The following MYNN variants were observed in gnomAD, a reference collection of about 807,000 sequenced individuals.
The protein encoded by MYNN is myoneurin.
Under a neutral mutation model 57.2 loss-of-function variants are expected in MYNN, and 22 were observed. That is an observed-to-expected ratio of 0.38 (90% confidence interval 0.27 to 0.55). The LOEUF (loss-of-function observed/expected upper bound fraction) is 0.55. MYNN is among the 20% of genes least tolerant of loss of function. MYNN has a pLI of 0.71. For missense variants in MYNN, 566 were observed against 723.1 expected, an observed-to-expected ratio of 0.78 and a Z score of 2.49; for synonymous variants, 241 against 257.1, an observed-to-expected ratio of 0.94 and a Z score of 0.60.
In MYNN at chr3:169,782,269, A is replaced by T. The variant is rs535518592; in HGVS notation, c.1221-196A>T. On this transcript the variant is annotated intron_variant, in intron 4 of 7. Transcript: ENST00000349841. This position sits in a 1 kb window ranked among gnomAD's most constrained non-coding sequence, Gnocchi z 4.8. ...GATCATGGAAAAACTTTTTGAACTGATCTCAGAACTAATGTTTTGATAATA... is the reference window on the plus strand; with the variant it reads ...GATCATGGAAAAACTTTTTGAACTGTTCTCAGAACTAATGTTTTGATAATA... Among the ~76,000 whole-genome samples, 8 of 152,308 alleles carry T rather than the reference A, an allele frequency of 5.3e-5. 1 individual carries two copies. In the South Asian group the frequency reaches 1.7e-3, roughly 32 times the overall value.
rs1778763328 is a variant in MYNN, at chr3:169,789,476, C to T, written c.*2798C>T. On this transcript the variant is annotated 3_prime_UTR_variant, in exon 8 of 8. Coordinates refer to ENST00000349841, the MANE Select transcript of MYNN (RefSeq NM_018657.5). ...CCAGGGCATATATATGCTGGGGAAGCCCCATAGGTGATTTTAATGTATACC... is the reference window on the plus strand; with the variant it reads ...CCAGGGCATATATATGCTGGGGAAGTCCCATAGGTGATTTTAATGTATACC... The T allele has an allele frequency of 6.6e-6, 1 of 152,156 alleles. No individual in the cohort carries two copies. The highest frequency in any genetic ancestry group is 2.4e-5 in the African/African-American group (1 of 41,434). 9.4% of individuals were successfully genotyped at this position (152,156 alleles called of 1,614,324 possible).
Position 169,787,067 on chromosome 3 carries a change from C to G in MYNN, c.*389C>G, listed in dbSNP as rs1420553397. On this transcript the variant is annotated 3_prime_UTR_variant, in exon 8 of 8. Coordinates refer to ENST00000349841, the MANE Select transcript of MYNN (RefSeq NM_018657.5). ...CCTGCCCTCATAATTTAAGCAAAAT[C>G]CACGATAGTATCAGCCCAAGAGTGT... 1 of 194,930 alleles carries G rather than the reference C, an allele frequency of 5.1e-6. No homozygotes were observed. Among genetic ancestry groups the G allele is most frequent in the Non-Finnish European group, 1.1e-5 (1 of 91,754 alleles). The allele number at this position is 194,930 out of a possible 1,614,324, so 12.1% of individuals were successfully genotyped here. A position where few individuals can be genotyped will look rare whatever the true frequency, so the allele number is the denominator to read the frequency against.
intron 7 of MYNN, among the ~76,000 whole-genome samples, chr3:169,785,139 G>A (rs1007675000): frequency 1.3e-5 from 2 of 151,328 alleles, no homozygotes; most frequent in Non-Finnish European, 3.0e-5. Context: ...GAAACAGGTA[G>A]CCCTACATTG....
intron 3 of MYNN, chr3:169,779,869 C>G (rs1239580013): frequency 3.2e-6 from 1 of 313,266 alleles, no homozygotes; most frequent in Non-Finnish European, 5.9e-6. Context: ...AATGTAATTA[C>G]AATTCAGGCC....
Position 169,781,363 on chromosome 3 carries a change from A to T in MYNN, c.1220+614A>T, listed in dbSNP as rs377394948. ...ATTTGAGATGACTTAACACTTCTGA[A>T]TAGAGGTGTGCAATAGATAATTGGT... On this transcript the variant is annotated intron_variant, in intron 4 of 7. Coordinates refer to ENST00000349841, the MANE Select transcript of MYNN (RefSeq NM_018657.5). Among the ~76,000 whole-genome samples the T allele has an allele frequency of 5.9e-5, 9 of 152,320 alleles. No individual in the cohort carries two copies. In the South Asian group the frequency reaches 1.2e-3, roughly 21 times the overall value.
chr3:169,776,496 A>T (rs1356958165), intron 2 of MYNN, among the ~76,000 whole-genome samples: 1 of 152,146 alleles, frequency 6.6e-6, no homozygotes, highest in East Asian at 1.9e-4. Context: ...TCCTGAGGAT[A>T]ATCTTATAAA....
intron 2 of MYNN, among the ~76,000 whole-genome samples, chr3:169,774,932 G>A (rs539508930): frequency 9.2e-5 from 14 of 152,206 alleles, no homozygotes; most frequent in East Asian, 1.9e-4. Flanking sequence ...TCTGCCTCCC[G>A]GGTTCAAGCG....
intron 2 of MYNN, chr3:169,778,560 CT>C: frequency 2.2e-6 from 1 of 461,904 alleles, no homozygotes; most frequent in Admixed American, 3.9e-5. Context: ...TAGCCATTAT[CT>C]TTCATCTCTT....
chr3:169,779,599 G>A, intron 3 of MYNN, 38 bp downstream of exon 3: 2 of 1,576,476 alleles, frequency 1.3e-6, no homozygotes, highest in Non-Finnish European at 1.7e-6. Flanking sequence ...TTTTTATACT[G>A]TGACTAATAT....
At chr3:169,777,589 C>G (rs1778386992) in intron 2 of MYNN, 1 of 152,036 alleles carries the variant, frequency 6.6e-6, no homozygotes, top group Non-Finnish European at 1.5e-5. Context: ...GTTGAACCCC[C>G]CAAAGATGCT....
chr3:169,778,679 C>G (rs941431102), intron 2 of MYNN, 89 bp from the exon 3 acceptor site: 1 of 991,266 alleles, frequency 1.0e-6, no homozygotes, highest in African/African-American at 1.6e-5. Flanking sequence ...TTCATTAGGT[C>G]TTTAAAATAC....
chr3:169,781,761 A>G (rs1778524607), intron 4 of MYNN, among the ~76,000 whole-genome samples: 1 of 152,196 alleles, frequency 6.6e-6, no homozygotes, highest in African/African-American at 2.4e-5. Context: ...TAAAGTGGGA[A>G]GTCAGCAGTG....
In MYNN at chr3:169,785,079, G is replaced by T. The variant is rs112511892; in HGVS notation, c.1570+371G>T. Among the ~76,000 whole-genome samples, 275 of 146,930 alleles carry T rather than the reference G, an allele frequency of 1.9e-3. 4 individuals carry two copies. Among genetic ancestry groups the T allele is most frequent in the African/African-American group, 6.5e-3 (262 of 40,152 alleles). On this transcript the variant is annotated intron_variant, in intron 7 of 7. Coordinates refer to ENST00000349841, the MANE Select transcript of MYNN (RefSeq NM_018657.5). ...GTTATTATGAAAAAAAAGGGGGGGG[G>T]GGTGGTGTTATCATGAACACTAGTC...
At chr3:169,786,392 G>T in intron 7 of MYNN, 24 bp from the exon 8 acceptor site, 1 of 1,592,118 alleles carries the variant, frequency 6.3e-7, no homozygotes, top group South Asian at 1.1e-5. Flanking sequence ...AGATAATGTA[G>T]ATTTTTTTTT....
Position 169,787,130 on chromosome 3 carries a change from T to C in MYNN, c.*452T>C, listed in dbSNP as rs569280948. The C allele has an allele frequency of 1.9e-4, 29 of 153,360 alleles. No individual in the cohort carries two copies. The highest frequency in any genetic ancestry group is 7.0e-4 in the African/African-American group (29 of 41,572). The allele number at this position is 153,360 out of a possible 1,614,324, so 9.5% of individuals were successfully genotyped here. A position where few individuals can be genotyped will look rare whatever the true frequency, so the allele number is the denominator to read the frequency against. ...AAGCCCCATGGATCAATACATAAAC[T>C]ATGCATAAAAATAAAATTTCATATT... On this transcript the variant is annotated 3_prime_UTR_variant, in exon 8 of 8. Transcript: ENST00000349841.
chr3:169,775,652 C>G (rs772393483), intron 2 of MYNN, among the ~76,000 whole-genome samples: 7 of 151,840 alleles, frequency 4.6e-5, no homozygotes, highest in Non-Finnish European at 1.0e-4. Flanking sequence ...CTTCTTTACC[C>G]TCTCCTCCCC....
rs1778552107 is a variant in MYNN at position 169,782,652 on chromosome 3, G to T, written c.1399+9G>T. The T allele has an allele frequency of 1.2e-5, 19 of 1,604,672 alleles. No individual in the cohort carries two copies. The East Asian group carries it at 4.2e-4, about 36-fold the overall frequency. On this transcript the variant is annotated intron_variant, in intron 5 of 7. Coordinates refer to ENST00000349841, the MANE Select transcript of MYNN (RefSeq NM_018657.5). The surrounding 1 kb of genome is among the most constrained non-coding windows in gnomAD (Gnocchi z 4.8). The stretch of plus-strand genomic sequence containing the variant: ...TTCTCGAAAACATACAGGTAAGTTT[G>T]ACAGGGAGAGACTGCTTAAAATAAA...
rs1420702794 is a variant in MYNN, at chr3:169,778,950, A to G, written c.449A>G (p.Tyr150Cys). The G allele has an allele frequency of 6.2e-7, 1 of 1,613,860 alleles. No homozygotes were observed. Among genetic ancestry groups the G allele is most frequent in the Non-Finnish European group, 8.5e-7 (1 of 1,180,004 alleles). The change falls in exon 3 of 8, where the codon TAT becomes TGT. Residue 150 changes from tyrosine to cysteine, a missense_variant. Tyr to Cys is a radical substitution (Grantham distance 194). Coordinates refer to ENST00000349841, the MANE Select transcript of MYNN (RefSeq NM_018657.5). ...ACTTGTCTTCTTACTCTGCGAGATTATAATAATCGAGAGAAATCAGAAGTA... is the reference window on the plus strand; with the variant it reads ...ACTTGTCTTCTTACTCTGCGAGATTGTAATAATCGAGAGAAATCAGAAGTA... ...QQTCLLTLRD[Y>C]NNREKSEVST...
intron 7 of MYNN, among the ~76,000 whole-genome samples, chr3:169,785,845 T>C (rs1423495296): frequency 1.3e-5 from 2 of 152,088 alleles, no homozygotes; most frequent in African/African-American, 4.8e-5. Context: ...AGTACATCTT[T>C]AGTCAGTGTG....
Sources: gnomAD v4.1 joint callset for allele counts (sites outside exome capture counted in the v4.1 genomes callset) on GRCh38, gnomAD v4.1.1 for gene constraint, Gnocchi (gnomAD v3.1) non-coding constraint, MANE v1.5 for transcripts, NCBI Gene and HGNC (gene_info 2026-07-23, HGNC 2026-07-21) for gene names.